Variants in SLC25A21 observed in about 807,000 individuals in gnomAD.
SLC25A21 encodes the protein mitochondrial 2-oxodicarboxylate carrier.
A neutral mutation model predicts 43.8 loss-of-function variants in SLC25A21; 47 were observed. The observed-to-expected ratio is 1.07, with a 90% CI of 0.85 to 1.37. The LOEUF is 1.37. SLC25A21 is among the 40% of genes most tolerant of loss of function. The pLI, the probability that SLC25A21 is intolerant of heterozygous loss-of-function variation, is 0.00. For missense variants in SLC25A21, 352 were observed against 350.2 expected, an observed-to-expected ratio of 1.00 and a Z score of -0.04; for synonymous variants, 131 against 121.3, an observed-to-expected ratio of 1.08 and a Z score of -0.52.
At chr14:36,814,066 T>G in intron 2 of SLC25A21, 65 bp from the exon 3 acceptor site, 1 of 1,094,236 alleles carries the variant, frequency 9.1e-7, no homozygotes, top group South Asian at 1.4e-5. Flanking sequence ...TTCTCATTTT[T>G]TAAAGTCTTA....
At chr14:36,807,955 C>G (rs566058277) in intron 3 of SLC25A21, among the ~76,000 whole-genome samples, 1 of 152,154 alleles carries the variant, frequency 6.6e-6, no homozygotes, top group Non-Finnish European at 1.5e-5. Context: ...GCTCATAAAA[C>G]GAGGCCTTAA....
chr14:37,001,887 T>G (rs1019085374), intron 1 of SLC25A21, among the ~76,000 whole-genome samples: 3 of 152,206 alleles, frequency 2.0e-5, no homozygotes, highest in African/African-American at 7.2e-5. Flanking sequence ...TATTGTAATC[T>G]TATCTCAATT....
chr14:36,732,864 GC>G (rs1369451618), intron 4 of SLC25A21, among the ~76,000 whole-genome samples: 1 of 152,068 alleles, frequency 6.6e-6, no homozygotes, highest in Non-Finnish European at 1.5e-5. Context: ...TACTTAAAAA[GC>G]CAACAAACTT....
chr14:37,062,952 T>C (rs956247868), intron 1 of SLC25A21, among the ~76,000 whole-genome samples: 3 of 152,074 alleles, frequency 2.0e-5, no homozygotes, highest in African/African-American at 7.3e-5. Flanking sequence ...GGAAAGAGTT[T>C]TAATTGACTC....
chr14:37,153,524 G>C (rs74047221), intron 1 of SLC25A21, among the ~76,000 whole-genome samples: 1,873 of 152,306 alleles, frequency 0.012, 38 homozygotes, highest in African/African-American at 0.043. Flanking sequence ...AGCTGGGGTG[G>C]GGGAACAAGC....
At chr14:36,963,936 C>G (rs1377341737) in intron 1 of SLC25A21, among the ~76,000 whole-genome samples, 5 of 152,144 alleles carry the variant, frequency 3.3e-5, no homozygotes, top group Admixed American at 1.3e-4. Context: ...CTCCATCTCT[C>G]CCTTGAAACC....
At chr14:36,782,658 A>C (rs1333658897) in intron 3 of SLC25A21, among the ~76,000 whole-genome samples, 2 of 152,054 alleles carry the variant, frequency 1.3e-5, no homozygotes, top group Non-Finnish European at 2.9e-5. Flanking sequence ...CTCTCTTGTT[A>C]CTTCATGTTA....
At chr14:36,891,193 C>T (rs2138582824) in intron 1 of SLC25A21, among the ~76,000 whole-genome samples, 1 of 152,250 alleles carries the variant, frequency 6.6e-6, no homozygotes, top group East Asian at 1.9e-4. Context: ...CTAAAAGAAT[C>T]TCTTGATGGA....
At chr14:36,721,681 T>G (rs952374299) in intron 6 of SLC25A21, among the ~76,000 whole-genome samples, 1 of 152,206 alleles carries the variant, frequency 6.6e-6, no homozygotes, top group African/African-American at 2.4e-5. Context: ...GTTCTGCTCC[T>G]ATAAATGAAA....
At position 36,988,423 on chromosome 14, in the gene SLC25A21, G is replaced by C. The variant is rs1960192406; in HGVS notation, c.71-113419C>G. Among the ~76,000 whole-genome samples, 6 of 152,258 alleles carry C rather than the reference G, an allele frequency of 3.9e-5. No homozygotes were observed. In the South Asian group the frequency reaches 1.2e-3, roughly 32 times the overall value. On this transcript the variant is annotated intron_variant, in intron 1 of 9. Coordinates refer to ENST00000331299, the MANE Select transcript of SLC25A21 (RefSeq NM_030631.4). Reference sequence around the variant, plus strand: ...GAGTTGAGATATTAAACGCTTGCATGGTTGTAATCTTGCAGAGTGAAAGTA... The same window carrying C: ...GAGTTGAGATATTAAACGCTTGCATCGTTGTAATCTTGCAGAGTGAAAGTA...
At chr14:36,918,313 A>G (rs1417837823) in intron 1 of SLC25A21, among the ~76,000 whole-genome samples, 1 of 152,168 alleles carries the variant, frequency 6.6e-6, no homozygotes, top group African/African-American at 2.4e-5. Context: ...CCATCCCAGA[A>G]TCACATGTTC....
intron 1 of SLC25A21, among the ~76,000 whole-genome samples, chr14:37,063,811 C>T (rs1469521966): frequency 1.3e-5 from 2 of 152,142 alleles, no homozygotes; most frequent in African/African-American, 2.4e-5. Context: ...CCCTAAGGAG[C>T]AGCCCATGTG....
chr14:36,921,038 G>C (rs943404819), intron 1 of SLC25A21, among the ~76,000 whole-genome samples: 1 of 152,108 alleles, frequency 6.6e-6, no homozygotes, highest in African/African-American at 2.4e-5. Context: ...TCAATCATAT[G>C]GGAGGGTGGA....
chr14:36,808,538 T>C (rs1448972854), intron 3 of SLC25A21, among the ~76,000 whole-genome samples: 2 of 152,162 alleles, frequency 1.3e-5, no homozygotes, highest in Non-Finnish European at 2.9e-5. Flanking sequence ...AGATTAGCCA[T>C]TCACAGCCAT....
chr14:36,977,326 A>C (rs1959899801), intron 1 of SLC25A21, among the ~76,000 whole-genome samples: 1 of 152,140 alleles, frequency 6.6e-6, no homozygotes, highest in South Asian at 2.1e-4. Flanking sequence ...ACCAGAGAGG[A>C]GGACTCTGTC....
At chr14:36,750,945 G>A (rs2139259308) in intron 3 of SLC25A21, among the ~76,000 whole-genome samples, 1 of 152,214 alleles carries the variant, frequency 6.6e-6, no homozygotes, top group East Asian at 1.9e-4. Flanking sequence ...TGGCCTCTGA[G>A]ACCAGGAAGC....
intron 3 of SLC25A21, among the ~76,000 whole-genome samples, chr14:36,806,201 G>A (rs1183982194): frequency 6.6e-6 from 1 of 151,628 alleles, no homozygotes; most frequent in Admixed American, 6.6e-5. Context: ...CTGGGTGAGA[G>A]AGCTTTTTTT....
chr14:36,783,566 C>T (rs1040663418), intron 3 of SLC25A21, among the ~76,000 whole-genome samples: 2 of 152,162 alleles, frequency 1.3e-5, no homozygotes, highest in African/African-American at 4.8e-5. Flanking sequence ...CAGGCACTCA[C>T]TCAGTATGCT....
chr14:36,738,827 A>T (rs781287409), intron 3 of SLC25A21, among the ~76,000 whole-genome samples: 1 of 152,254 alleles, frequency 6.6e-6, no homozygotes, highest in Non-Finnish European at 1.5e-5. Context: ...ATATTATTGT[A>T]AGTAAAAATA....
Sources: allele counts gnomAD v4.1 joint callset (sites outside exome capture counted in the v4.1 genomes callset), GRCh38; gene constraint gnomAD v4.1.1; transcripts MANE v1.5; gene names NCBI Gene and HGNC (gene_info 2026-07-23, HGNC 2026-07-21).